The following ARHGAP24 variants were observed in gnomAD, a reference collection of about 807,000 sequenced individuals.
ARHGAP24 encodes the protein rho GTPase-activating protein 24.
A neutral mutation model predicts 76.4 loss-of-function variants in ARHGAP24; 50 were observed. The ratio of observed to expected loss-of-function variants is 0.65; its 90% CI spans 0.52 to 0.83. The LOEUF is 0.83. Among genes scored for constraint, ARHGAP24 ranks in the 40% least tolerant of loss-of-function variants. ARHGAP24 has a pLI of 0.00. For synonymous variants in ARHGAP24, 345 were observed against 323.3 expected, an observed-to-expected ratio of 1.07 and a Z score of -0.72; for missense variants, 930 against 914.2, an observed-to-expected ratio of 1.02 and a Z score of -0.22.
rs1474770550 is a variant in ARHGAP24 at position 86,001,021 on chromosome 4, A to G, written c.*299A>G. 1 of 497,256 alleles carries G rather than the reference A, an allele frequency of 2.0e-6. No individual in the cohort carries two copies. The highest frequency in any genetic ancestry group is 1.9e-5 in the African/African-American group (1 of 52,216). 30.8% of individuals were successfully genotyped at this position (497,256 alleles called of 1,614,324 possible). A position where few individuals can be genotyped will look rare whatever the true frequency, so the allele number is the denominator to read the frequency against. ...ATTTTATTGCAAGTCTTGTATTTAA[A>G]TGTTAAATCAATATGTTGTTGCAAT... On this transcript the variant is annotated 3_prime_UTR_variant, in exon 10 of 10. Coordinates refer to ENST00000395184, the MANE Select transcript of ARHGAP24 (RefSeq NM_001025616.3).
rs1254393980 is a variant in ARHGAP24, at chr4:85,542,913, A to ATTGTG, written c.-20-27609_-20-27608insTTGTG. On this transcript the variant is annotated intron_variant, in intron 1 of 9. Transcript: ENST00000395184. ...GGGATGATAATAATAGCATCTATTT[A>ATTGTG]ACGGGGTTATTGTGAGGATTATGTG... Among the ~76,000 whole-genome samples the ATTGTG allele has an allele frequency of 1.8e-3, 267 of 152,324 alleles. 1 individual carries two copies. The highest frequency in any genetic ancestry group is 6.0e-3 in the African/African-American group (248 of 41,576).
intron 3 of ARHGAP24, among the ~76,000 whole-genome samples, chr4:85,837,292 CA>C (rs1471991530): frequency 6.6e-6 from 1 of 152,172 alleles, no homozygotes; most frequent in Non-Finnish European, 1.5e-5. Context: ...CTGGGTCATA[CA>C]ATCTAATTCT....
At chr4:85,744,660 G>T (rs1447932296) in intron 3 of ARHGAP24, among the ~76,000 whole-genome samples, 1 of 152,036 alleles carries the variant, frequency 6.6e-6, no homozygotes, top group Non-Finnish European at 1.5e-5. Flanking sequence ...CGCGTTAGAG[G>T]CAAACCAAGA....
At chr4:85,660,438 T>C (rs571485142) in intron 2 of ARHGAP24, among the ~76,000 whole-genome samples, 2 of 152,168 alleles carry the variant, frequency 1.3e-5, no homozygotes, top group Non-Finnish European at 2.9e-5. Flanking sequence ...ATAATGCAGA[T>C]GTTCAGGGCT....
chr4:85,620,448 C>T (rs1041669084), intron 2 of ARHGAP24, among the ~76,000 whole-genome samples: 1 of 151,758 alleles, frequency 6.6e-6, no homozygotes, highest in Non-Finnish European at 1.5e-5. Flanking sequence ...TATAATTGTT[C>T]ATAGTTGTCT....
chr4:85,829,610 G>A (rs1017284718), intron 3 of ARHGAP24, among the ~76,000 whole-genome samples: 12 of 152,192 alleles, frequency 7.9e-5, no homozygotes, highest in Admixed American at 4.6e-4. Context: ...TTGATGATTG[G>A]CATTTCTATA....
chr4:85,846,478 G>T (rs140967390), intron 3 of ARHGAP24, among the ~76,000 whole-genome samples: 2 of 152,274 alleles, frequency 1.3e-5, no homozygotes, highest in African/African-American at 4.8e-5. Context: ...AAGTCAAACA[G>T]TACAGCATAA....
chr4:86,001,548 C>T lies in ARHGAP24; in HGVS notation c.*826C>T, dbSNP rs1741019429. The stretch of plus-strand genomic sequence containing the variant: ...CTTTGAATTACTCTGTCCCTCTGGA[C>T]CGAATCTCTTTAACTGCTGGATAGT... On this transcript the variant is annotated 3_prime_UTR_variant, in exon 10 of 10. Transcript: ENST00000395184. The T allele has an allele frequency of 2.5e-6, 1 of 397,410 alleles. No homozygotes were observed. The highest frequency in any genetic ancestry group is 4.4e-6 in the Non-Finnish European group (1 of 225,736). 24.6% of individuals were successfully genotyped at this position (397,410 alleles called of 1,614,324 possible). A position where few individuals can be genotyped will look rare whatever the true frequency, so the allele number is the denominator to read the frequency against.
chr4:85,890,610 G>A (rs1219734711), intron 3 of ARHGAP24, among the ~76,000 whole-genome samples: 1 of 152,144 alleles, frequency 6.6e-6, no homozygotes, highest in East Asian at 1.9e-4. Context: ...AAATAAAGAG[G>A]TGCAGGAGGG....
At chr4:85,487,864 TTATATAAATATATA>T (rs1560505861) in intron 1 of ARHGAP24, among the ~76,000 whole-genome samples, 3 of 123,934 alleles carry the variant, frequency 2.4e-5, no homozygotes, top group Non-Finnish European at 4.8e-5. Flanking sequence ...ATTATATATA[TTATATAAATATATA>T]ATATATATAA....
In ARHGAP24 at chr4:85,565,048, C is replaced by T. The variant is rs145608185; in HGVS notation, c.-20-5474C>T. On this transcript the variant is annotated intron_variant, in intron 1 of 9. Coordinates refer to ENST00000395184, the MANE Select transcript of ARHGAP24 (RefSeq NM_001025616.3). ...TTGCATGTATACCTATAAACACATG[C>T]GCATGCTGTCTCATTTCTTTTGTAA... Among the ~76,000 whole-genome samples, 216 of 149,370 alleles carry T rather than the reference C, an allele frequency of 1.4e-3. 1 individual carries two copies. Among genetic ancestry groups the T allele is most frequent in the African/African-American group, 4.6e-3 (187 of 40,822 alleles).
chr4:85,930,954 G>A (rs1736296598), intron 4 of ARHGAP24: 2 of 1,613,890 alleles, frequency 1.2e-6, no homozygotes, highest in South Asian at 1.1e-5. Context: ...GGAATTCTGG[G>A]GGGTGCCCGG....
intron 3 of ARHGAP24, among the ~76,000 whole-genome samples, chr4:85,845,270 G>T (rs1730818853): frequency 6.6e-6 from 1 of 152,050 alleles, no homozygotes; most frequent in South Asian, 2.1e-4. Context: ...ATACATACAA[G>T]AATTTTATTA....
intron 5 of ARHGAP24, among the ~76,000 whole-genome samples, chr4:85,945,126 G>A (rs1327002747): frequency 1.3e-5 from 2 of 151,896 alleles, no homozygotes; most frequent in Non-Finnish European, 2.9e-5. Flanking sequence ...GATTATAGGC[G>A]TGAGCCACCG....
intron 1 of ARHGAP24, among the ~76,000 whole-genome samples, chr4:85,487,358 T>TAA (rs1315555655): frequency 8.7e-6 from 1 of 115,446 alleles, no homozygotes; most frequent in African/African-American, 3.6e-5. Flanking sequence ...ATAATATATA[T>TAA]AAATATATAA....
chr4:85,578,472 T>C (rs546493439), intron 2 of ARHGAP24, among the ~76,000 whole-genome samples: 5 of 152,326 alleles, frequency 3.3e-5, no homozygotes, highest in South Asian at 4.1e-4. Context: ...CCAGAATTGA[T>C]TTGTCCGGTA....
chr4:85,770,281 CT>C (rs1308054256), intron 3 of ARHGAP24, among the ~76,000 whole-genome samples: 1 of 152,128 alleles, frequency 6.6e-6, no homozygotes, highest in Non-Finnish European at 1.5e-5. Flanking sequence ...ACTCAAGAAT[CT>C]TAATCCTCAG....
At chr4:85,517,679 A>G (rs1334527985) in intron 1 of ARHGAP24, among the ~76,000 whole-genome samples, 3 of 152,010 alleles carry the variant, frequency 2.0e-5, no homozygotes, top group Admixed American at 6.6e-5. Flanking sequence ...TCCTTCATCA[A>G]TCATGCTTAG....
intron 1 of ARHGAP24, among the ~76,000 whole-genome samples, chr4:85,547,779 A>G (rs1725975335): frequency 1.3e-5 from 2 of 152,182 alleles, no homozygotes. Context: ...GTTTCTCCAC[A>G]GTAAAACGAG....
Sources: allele counts gnomAD v4.1 joint callset (sites outside exome capture counted in the v4.1 genomes callset), GRCh38; gene constraint gnomAD v4.1.1; transcripts MANE v1.5; gene names NCBI Gene and HGNC (gene_info 2026-07-23, HGNC 2026-07-21).